The following TNRC18 variants were observed in gnomAD, a reference collection of about 807,000 sequenced individuals.
TNRC18 encodes the protein trinucleotide repeat-containing gene 18 protein.
Under a neutral mutation model 226.7 loss-of-function variants are expected in TNRC18, and 69 were observed. The observed-to-expected ratio is 0.30, with a 90% confidence interval of 0.25 to 0.37. The LOEUF (loss-of-function observed/expected upper bound fraction) is 0.37, where lower values mean the gene tolerates loss of function less well. Ranked by LOEUF, TNRC18 falls within the 10% of genes least tolerant of loss-of-function variation. The pLI, the probability that TNRC18 is intolerant of heterozygous loss-of-function variation, is 1.00. For missense variants in TNRC18, 4,754 were observed against 4,256.6 expected (o/e 1.12, Z -3.25); for synonymous variants, 2,449 against 1,927.6 (o/e 1.27, Z -7.09).
At chr7:5,407,753 G>T (rs1301575582) in intron 2 of TNRC18, among the ~76,000 whole-genome samples, 1 of 152,198 alleles carries the variant, frequency 6.6e-6, no homozygotes, top group Non-Finnish European at 1.5e-5. Flanking sequence ...TAGGGCTCCA[G>T]ACTTTGTCAA....
chr7:5,355,680 A>AT (rs1792288953), intron 16 of TNRC18, among the ~76,000 whole-genome samples: 1 of 152,088 alleles, frequency 6.6e-6, no homozygotes, highest in Non-Finnish European at 1.5e-5. Flanking sequence ...GAGCCCAGGC[A>AT]CCAGCCTGGG....
chr7:5,414,302 ATT>A (rs1562640798), intron 2 of TNRC18, among the ~76,000 whole-genome samples: 1 of 148,060 alleles, frequency 6.8e-6, no homozygotes, highest in African/African-American at 2.6e-5. Flanking sequence ...AAATATATAT[ATT>A]ATATATGTAT....
intron 16 of TNRC18, 129 bp from the exon 17 acceptor site, chr7:5,352,223 G>A: frequency 1.0e-6 from 1 of 983,616 alleles, no homozygotes. Context: ...ATACCTAGTA[G>A]GCGGCCGTAC....
chr7:5,384,338 T>C (rs928598140), intron 5 of TNRC18, among the ~76,000 whole-genome samples: 2 of 152,140 alleles, frequency 1.3e-5, no homozygotes, highest in African/African-American at 4.8e-5. Context: ...TAAGCTCAAG[T>C]GATCCTCCTA....
chr7:5,390,294 G>T, intron 4 of TNRC18, 191 bp downstream of exon 4: 1 of 616,324 alleles, frequency 1.6e-6, no homozygotes, highest in South Asian at 2.4e-5. Flanking sequence ...GGGAGTTTGA[G>T]GCTGCAGTGA....
intron 2 of TNRC18, among the ~76,000 whole-genome samples, chr7:5,416,512 G>T (rs1452326717): frequency 1.3e-5 from 2 of 152,232 alleles, no homozygotes; most frequent in Admixed American, 6.5e-5. Context: ...CTTGAGCCCA[G>T]GAGTTTGAGA....
rs768366777 is a variant in TNRC18, at chr7:5,370,784, C to A, written c.3810G>T (p.Val1270=). 1 of 1,604,088 alleles carries A rather than the reference C, an allele frequency of 6.2e-7. No homozygotes were observed. Among genetic ancestry groups the A allele is most frequent in the Non-Finnish European group, 8.5e-7 (1 of 1,176,292 alleles). The part of the protein sequence containing the change: ...EPVEVPVAVP[V]VEAVPEEGLA... ...GGCCTTCCTCGGGCACTGCCTCCACCACGGGCACCGCCACAGGCACCTCCA... is the reference window on the plus strand; with the variant it reads ...GGCCTTCCTCGGGCACTGCCTCCACAACGGGCACCGCCACAGGCACCTCCA... Residue 1270 remains valine (V), a synonymous_variant, in exon 11 of 30, where the codon GTG becomes GTT. Transcript: ENST00000430969.
Position 5,313,372 on chromosome 7 carries a change from C to G in TNRC18, c.7519G>C (p.Ala2507Pro), listed in dbSNP as rs552829376. Residue 2507 changes from alanine (A) to proline (P), a missense_variant, in exon 27 of 30, where the codon GCG (alanine) becomes CCG (proline). Coordinates refer to ENST00000430969, the MANE Select transcript of TNRC18 (RefSeq NM_001080495.3). ...SLLSLGSYPP[A>P]AGSSEPKAPW... ...GCCTTGGGCTCGCTGCTGCCGGCCG[C>G]GGGGGGATAGCTGCCCAGGCTCAGG... The G allele has an allele frequency of 5.1e-5, 80 of 1,581,210 alleles. No homozygotes were observed. In the Admixed American group the frequency reaches 1.4e-3, roughly 28 times the overall value.
intron 17 of TNRC18, among the ~76,000 whole-genome samples, chr7:5,351,541 A>G (rs1166206819): frequency 2.0e-5 from 3 of 152,142 alleles, no homozygotes; most frequent in African/African-American, 4.8e-5. Flanking sequence ...GTGGAGAGAA[A>G]CGCAGACTCA....
At chr7:5,397,270 G>C (rs1023394367) in intron 2 of TNRC18, among the ~76,000 whole-genome samples, 1 of 152,190 alleles carries the variant, frequency 6.6e-6, no homozygotes, top group Non-Finnish European at 1.5e-5. Context: ...AGAAGGCTCC[G>C]GAAGCCAGCA....
intron 2 of TNRC18, among the ~76,000 whole-genome samples, chr7:5,395,899 A>G (rs1240741766): frequency 6.6e-6 from 1 of 151,974 alleles, no homozygotes; most frequent in Admixed American, 6.6e-5. Context: ...CGGGAGGCTG[A>G]GGCAGGAGAA....
At position 5,307,480 on chromosome 7, in the gene TNRC18, G is replaced by C. The variant is rs372533570; in HGVS notation, c.*626C>G. On this transcript the variant is annotated 3_prime_UTR_variant, in exon 30 of 30. Coordinates refer to ENST00000430969, the MANE Select transcript of TNRC18 (RefSeq NM_001080495.3). ...TGAGGGTTTGGACCAGGGTGGGCCT[G>C]TGCCGGGCCCTCTCCACCTGGTGCC... 1 of 439,702 alleles carries C rather than the reference G, an allele frequency of 2.3e-6. No homozygotes were observed. Among genetic ancestry groups the C allele is most frequent in the East Asian group, 7.4e-5 (1 of 13,466 alleles). 27.2% of individuals were successfully genotyped at this position (439,702 alleles called of 1,614,324 possible).
At chr7:5,408,583 A>G (rs974210804) in intron 2 of TNRC18, among the ~76,000 whole-genome samples, 1 of 152,148 alleles carries the variant, frequency 6.6e-6, no homozygotes, top group East Asian at 1.9e-4. Flanking sequence ...GGTAGGTTGC[A>G]GTGAGCCAAG....
chr7:5,411,904 G>A (rs527870274), intron 2 of TNRC18, among the ~76,000 whole-genome samples: 2 of 152,156 alleles, frequency 1.3e-5, no homozygotes, highest in Non-Finnish European at 2.9e-5. Flanking sequence ...CAGAAGGCTG[G>A]CTGGGCATGG....
intron 24 of TNRC18, among the ~76,000 whole-genome samples, chr7:5,319,724 G>C (rs1379156079): frequency 6.6e-6 from 1 of 152,102 alleles, no homozygotes; most frequent in Non-Finnish European, 1.5e-5. Context: ...GGCCAAGCTG[G>C]TCTTGAACTC....
chr7:5,404,627 C>A (rs568225683), intron 2 of TNRC18, among the ~76,000 whole-genome samples: 4 of 152,066 alleles, frequency 2.6e-5, no homozygotes, highest in African/African-American at 9.7e-5. Flanking sequence ...GGACTGCAGG[C>A]GCCCAGACCC....
Position 5,390,496 on chromosome 7 carries a change from C to T in TNRC18, c.476G>A (p.Gly159Glu). 6.2e-7 allele frequency: 1 copy of T among 1,613,684 alleles called. No homozygotes were observed. Among genetic ancestry groups the T allele is most frequent in the African/African-American group, 1.3e-5 (1 of 75,018 alleles). ...GACTCCAGTCTTACCTCCTCCTGGC[C>T]CCTGACCTTTCTGGGTATCGAAAAT... ...PSIFDTQKGQ[G>E]PGGDGFYLPT... Residue 159 changes from glycine (G) to glutamate (E), a missense_variant, in exon 4 of 30, where the codon GGG becomes GAG. Gly to Glu is a moderately conservative substitution (Grantham distance 98, BLOSUM62 -2). Coordinates refer to ENST00000430969, the MANE Select transcript of TNRC18 (RefSeq NM_001080495.3).
rs1202027826 is a variant in TNRC18 at position 5,345,664 on chromosome 7, C to A, written c.5617G>T (p.Ala1873Ser). 1.3e-6 allele frequency: 2 copies of A among 1,552,432 alleles called. No individual in the cohort carries two copies. Among genetic ancestry groups the A allele is most frequent in the Non-Finnish European group, 8.7e-7 (1 of 1,148,304 alleles). The change falls in exon 18 of 30, where the codon GCC (alanine) becomes TCC (serine). Residue 1873 changes from alanine to serine, a missense_variant. Ala to Ser is a moderately conservative substitution (Grantham distance 99). Transcript: ENST00000430969. Reference sequence around the variant, plus strand: ...ACCGTGGGGCTGGGGAGGGCGCTGGCGGCGAAGCGTGCCAGCAGGCCCAGC... The same window carrying A: ...ACCGTGGGGCTGGGGAGGGCGCTGGAGGCGAAGCGTGCCAGCAGGCCCAGC... ...SGLGLLARFA[A>S]SALPSPTVGP...
rs182734479 is a variant in TNRC18, at chr7:5,365,052, A to G, written c.4220-2227T>C. On this transcript the variant is annotated intron_variant, in intron 11 of 29. Coordinates refer to ENST00000430969, the MANE Select transcript of TNRC18 (RefSeq NM_001080495.3). ...GGGGGCGGGGGCGGAAGGGCAGCCT[A>G]GAACACTCTTGAATTGATGAGTTTT... Among the ~76,000 whole-genome samples, 525 of 152,198 alleles carry G rather than the reference A, an allele frequency of 3.4e-3. 9 individuals carry two copies. Among genetic ancestry groups the G allele is most frequent in the Admixed American group, 0.032 (487 of 15,254 alleles).
Sources: allele counts gnomAD v4.1 joint callset (sites outside exome capture counted in the v4.1 genomes callset), GRCh38; gene constraint gnomAD v4.1.1; transcripts MANE v1.5; gene names NCBI Gene and HGNC (gene_info 2026-07-23, HGNC 2026-07-21).